SHQ1: variants seen among roughly 807,000 people sequenced by gnomAD.
SHQ1 encodes protein SHQ1 homolog.
In SHQ1, 49 loss-of-function variants were observed where a neutral mutation model predicts 53.8. The observed-to-expected ratio is 0.91, with a 90% confidence interval of 0.72 to 1.16. SHQ1 has a LOEUF of 1.16. Among genes scored for constraint, SHQ1 ranks in the 50% most tolerant of loss-of-function variants. SHQ1 has a pLI of 0.00. For missense variants in SHQ1, 738 were observed against 683.1 expected (o/e 1.08, Z -0.90); for synonymous variants, 243 against 251.0 (o/e 0.97, Z 0.30).
Position 72,750,660 on chromosome 3 carries a change from T to G in SHQ1, c.1358A>C (p.Glu453Ala). Reference sequence around the variant, plus strand: ...GTCTGAGTCCTCCGAATCACTTGCCTCAGAGCTGGAGCAAAGTGTCTGCTG... The same window carrying G: ...GTCTGAGTCCTCCGAATCACTTGCCGCAGAGCTGGAGCAAAGTGTCTGCTG... ...SGQQTLCSSS[E>A]ASDSEDSDSS... Residue 453 changes from glutamate to alanine, a missense_variant, in exon 11 of 11, where the codon GAG (glutamate) becomes GCG (alanine). Transcript: ENST00000325599. 6.2e-7 allele frequency: 1 copy of G among 1,612,986 alleles called. No homozygotes were observed. The highest frequency in any genetic ancestry group is 2.2e-5 in the East Asian group (1 of 44,832).
chr3:72,804,420 C>T (rs1237560647), intron 9 of SHQ1, among the ~76,000 whole-genome samples: 1 of 149,730 alleles, frequency 6.7e-6, no homozygotes, highest in African/African-American at 2.5e-5. Context: ...TCCGGCACCA[C>T]CCCCCCACCC....
At chr3:72,733,362 A>G in the SHQ1 span, among the ~76,000 whole-genome samples, 2 of 151,562 alleles carry the variant, frequency 1.3e-5, no homozygotes, top group South Asian at 4.2e-4. Context: ...TCAATTCAAA[A>G]AGCATGGATT....
chr3:72,842,598 G>T (rs1474335451), intron 2 of SHQ1, among the ~76,000 whole-genome samples, 196 bp from the exon 3 acceptor site: 1 of 151,524 alleles, frequency 6.6e-6, no homozygotes, highest in Non-Finnish European at 1.5e-5. Context: ...TTAATTAAAA[G>T]AAAAAAATAA....
chr3:72,734,571 T>C, the SHQ1 span, among the ~76,000 whole-genome samples: 1 of 151,564 alleles, frequency 6.6e-6, no homozygotes, highest in Non-Finnish European at 1.5e-5. Context: ...TAAGCCATCA[T>C]TAATAGTAGT....
chr3:72,757,486 C>T (rs1426331155), intron 10 of SHQ1, among the ~76,000 whole-genome samples: 1 of 151,488 alleles, frequency 6.6e-6, no homozygotes, highest in Non-Finnish European at 1.5e-5. Context: ...GAACTACTGG[C>T]CTCAGCAGCC....
At chr3:72,789,216 G>A (rs939765743) in intron 10 of SHQ1, among the ~76,000 whole-genome samples, 4 of 152,070 alleles carry the variant, frequency 2.6e-5, no homozygotes, top group Admixed American at 6.5e-5. Context: ...AAGGTCATAC[G>A]GTCAATGAGA....
At chr3:72,836,457 C>G (rs1476964283) in intron 4 of SHQ1, among the ~76,000 whole-genome samples, 1 of 152,060 alleles carries the variant, frequency 6.6e-6, no homozygotes, top group African/African-American at 2.4e-5. Flanking sequence ...CCACTGCACT[C>G]CAGCCTGGGC....
At chr3:72,825,392 A>C (rs1465288965) in intron 5 of SHQ1, among the ~76,000 whole-genome samples, 2 of 151,746 alleles carry the variant, frequency 1.3e-5, no homozygotes, top group Non-Finnish European at 2.9e-5. Context: ...ACACACACAC[A>C]CACACACCAT....
At position 72,792,965 on chromosome 3, in the gene SHQ1, G is replaced by GTA; in HGVS notation, c.1130_1131dup (p.Leu378TyrfsTer2). 6.2e-7 allele frequency: 1 copy of GTA among 1,612,046 alleles called. No homozygotes were observed. The highest frequency in any genetic ancestry group is 8.5e-7 in the Non-Finnish European group (1 of 1,179,514). On this transcript the variant is annotated frameshift_variant, in exon 10 of 11. Transcript: ENST00000325599. LOFTEE classifies it low-confidence loss of function (END_TRUNC). ...TAGTCTGAGATGTAGAGATCATTCA[G>GTA]TATGTACGCTGGGTCATTTTCCTGA...
At chr3:72,744,921 AT>A (rs1421017884), downstream of SHQ1, among the ~76,000 whole-genome samples, 1 of 73,796 alleles carries the variant, frequency 1.4e-5, no homozygotes, top group African/African-American at 7.0e-5. Flanking sequence ...CATTTGATAC[AT>A]TGGGGGGGGG....
intron 10 of SHQ1, among the ~76,000 whole-genome samples, chr3:72,767,539 C>A (rs959310533): frequency 6.6e-6 from 1 of 152,210 alleles, no homozygotes; most frequent in Non-Finnish European, 1.5e-5. Flanking sequence ...CAATTAATCT[C>A]ATATATTCTA....
intron 5 of SHQ1, among the ~76,000 whole-genome samples, chr3:72,825,436 T>TA (rs1299355855): frequency 6.6e-6 from 1 of 151,332 alleles, no homozygotes; most frequent in Non-Finnish European, 1.5e-5. Flanking sequence ...TCTACCAAGA[T>TA]AAAATCTATT....
At chr3:72,839,461 G>A (rs1346399219) in intron 4 of SHQ1, among the ~76,000 whole-genome samples, 1 of 152,182 alleles carries the variant, frequency 6.6e-6, no homozygotes, top group African/African-American at 2.4e-5. Context: ...TCCCTTTAAG[G>A]AATTTTGAGA....
intron 10 of SHQ1, among the ~76,000 whole-genome samples, chr3:72,768,579 GC>G (rs775087837): frequency 1.7e-4 from 26 of 152,270 alleles, no homozygotes; most frequent in Non-Finnish European, 3.4e-4. Context: ...ATAAGTATGT[GC>G]CATAAGCCTT....
intron 10 of SHQ1, among the ~76,000 whole-genome samples, chr3:72,754,062 TTTTAC>T (rs1705447513): frequency 6.6e-6 from 1 of 152,194 alleles, no homozygotes; most frequent in Admixed American, 6.5e-5. Context: ...AAATAAAAGC[TTTTAC>T]TTTACTGACT....
intron 10 of SHQ1, among the ~76,000 whole-genome samples, chr3:72,782,145 A>G (rs1264607175): frequency 6.6e-6 from 1 of 152,210 alleles, no homozygotes; most frequent in Non-Finnish European, 1.5e-5. Context: ...CTCTTATGTG[A>G]AAAGGACAAT....
intron 6 of SHQ1, among the ~76,000 whole-genome samples, chr3:72,822,326 C>G (rs950529094): frequency 6.6e-6 from 1 of 152,080 alleles, no homozygotes; most frequent in Non-Finnish European, 1.5e-5. Flanking sequence ...TATGACTGTT[C>G]CTGATGCACC....
chr3:72,840,758 A>G (rs1225201569), intron 4 of SHQ1, among the ~76,000 whole-genome samples: 1 of 152,152 alleles, frequency 6.6e-6, no homozygotes, highest in African/African-American at 2.4e-5. Context: ...AGGAAGTATG[A>G]GAGAGGAGTT....
intron 9 of SHQ1, chr3:72,794,362 C>T (rs1706535146): frequency 6.6e-6 from 1 of 152,134 alleles, no homozygotes. Flanking sequence ...TGGTTAATCC[C>T]CAATACCTAG....
Sources: gnomAD v4.1 joint callset for allele counts (sites outside exome capture counted in the v4.1 genomes callset) on GRCh38, gnomAD v4.1.1 for gene constraint, MANE v1.5 for transcripts, NCBI Gene and HGNC (gene_info 2026-07-23, HGNC 2026-07-21) for gene names.